The following RALGAPA1 variants were observed in gnomAD, a reference collection of about 807,000 sequenced individuals.
RALGAPA1 encodes the protein Ral GTPase activating protein catalytic subunit alpha 1, also known as ral GTPase-activating protein subunit alpha-1.
In RALGAPA1, 52 loss-of-function variants were observed where a neutral mutation model predicts 269.6. The observed-to-expected ratio is 0.19, with a 90% CI of 0.15 to 0.24. The LOEUF is 0.24. Among genes scored for constraint, RALGAPA1 ranks in the 10% least tolerant of loss-of-function variants. RALGAPA1 has a pLI of 1.00. For missense variants in RALGAPA1, 1,917 were observed against 3,013.9 expected, an observed-to-expected ratio of 0.64 and a Z score of 8.52; for synonymous variants, 817 against 1,008.3, an observed-to-expected ratio of 0.81 and a Z score of 3.60.
chr14:35,638,885 C>A (rs577397968), intron 31 of RALGAPA1, among the ~76,000 whole-genome samples: 4 of 151,474 alleles, frequency 2.6e-5, no homozygotes, highest in Admixed American at 6.6e-5. Flanking sequence ...GAGATTGCGC[C>A]GCTGCACTCC....
chr14:35,801,299 C>T (rs896471140), intron 1 of RALGAPA1, among the ~76,000 whole-genome samples: 4 of 151,314 alleles, frequency 2.6e-5, no homozygotes, highest in African/African-American at 4.9e-5. Context: ...GATAGAGTCT[C>T]GCTCTGTTGC....
intron 12 of RALGAPA1, among the ~76,000 whole-genome samples, chr14:35,733,391 T>C (rs1047086485): frequency 6.6e-6 from 1 of 152,004 alleles, no homozygotes; most frequent in African/African-American, 2.4e-5. Flanking sequence ...GCAGGAGAAT[T>C]GCTTGAACCC....
intron 4 of RALGAPA1, chr14:35,766,460 G>C (rs2074158846): frequency 6.4e-7 from 1 of 1,556,036 alleles, no homozygotes; most frequent in South Asian, 1.1e-5. Flanking sequence ...AGTCTGAGGG[G>C]GCCAAAGCAA....
intron 35 of RALGAPA1, among the ~76,000 whole-genome samples, chr14:35,607,912 C>T (rs2059692138): frequency 6.6e-6 from 1 of 152,112 alleles, no homozygotes; most frequent in East Asian, 1.9e-4. Flanking sequence ...CTAGGCTGCA[C>T]CCAATAAGGA....
At chr14:35,578,926 C>T (rs1487334831) in intron 37 of RALGAPA1, among the ~76,000 whole-genome samples, 1 of 152,108 alleles carries the variant, frequency 6.6e-6, no homozygotes, top group Non-Finnish European at 1.5e-5. Context: ...CCTTGATATT[C>T]TAGTGGGAGG....
chr14:35,746,376 T>C (rs2072100246), intron 10 of RALGAPA1, among the ~76,000 whole-genome samples: 3 of 152,160 alleles, frequency 2.0e-5, no homozygotes, highest in South Asian at 2.1e-4. Context: ...ACTTGAAATT[T>C]GCTAGAAGAT....
intron 39 of RALGAPA1, among the ~76,000 whole-genome samples, chr14:35,569,607 A>G (rs150015104): frequency 6.6e-6 from 1 of 152,148 alleles, no homozygotes; most frequent in African/African-American, 2.4e-5. Flanking sequence ...TTATGCTCTT[A>G]AACATTCCCC....
chr14:35,627,709 T>C lies in RALGAPA1; in HGVS notation c.6238A>G (p.Arg2080Gly), dbSNP rs145578563. ...CCTCCAGGCATATTCTCTTCTGATC[T>C]GATCTGGATACAGGACACTAAGGTT... ...NTTLVSCIQI[R>G]SEENMPGGGL... Residue 2080 changes from arginine to glycine, a missense_variant, in exon 34 of 42, where the codon AGA (arginine) becomes GGA (glycine). Arg to Gly is a moderately radical substitution (Grantham distance 125). Transcript: ENST00000680220. 2 of 1,610,150 alleles carry C rather than the reference T, an allele frequency of 1.2e-6. No homozygotes were observed. Among genetic ancestry groups the C allele is most frequent in the African/African-American group, 1.3e-5 (1 of 74,768 alleles).
chr14:35,585,805 GTCTATA>G (rs1566750988), intron 37 of RALGAPA1, among the ~76,000 whole-genome samples: 1 of 152,136 alleles, frequency 6.6e-6, no homozygotes, highest in African/African-American at 2.4e-5. Flanking sequence ...TGTTCCATTG[GTCTATA>G]TCTCTGTTTT....
At chr14:35,562,422 T>C (rs189737322) in intron 39 of RALGAPA1, among the ~76,000 whole-genome samples, 1 of 152,160 alleles carries the variant, frequency 6.6e-6, no homozygotes, top group East Asian at 1.9e-4. Flanking sequence ...CTTAGCTCAT[T>C]TTTCTCCCTA....
intron 41 of RALGAPA1, among the ~76,000 whole-genome samples, chr14:35,547,936 C>T: frequency 6.6e-6 from 1 of 151,916 alleles, no homozygotes; most frequent in Non-Finnish European, 1.5e-5. Flanking sequence ...ATAAATTAGG[C>T]TAGAAAAGAA....
chr14:35,541,924 G>T (rs1430832200), intron 41 of RALGAPA1: 2 of 697,212 alleles, frequency 2.9e-6, no homozygotes, highest in Admixed American at 4.8e-5. Context: ...GGAGCAGAGA[G>T]AGAGGAATCA....
chr14:35,631,653 G>T (rs554217913), intron 33 of RALGAPA1, among the ~76,000 whole-genome samples: 1 of 152,128 alleles, frequency 6.6e-6, no homozygotes, highest in African/African-American at 2.4e-5. Flanking sequence ...ATAGAAAAGA[G>T]AAGAATCCCT....
chr14:35,735,862 T>G (rs1388075738), intron 12 of RALGAPA1, among the ~76,000 whole-genome samples: 1 of 152,228 alleles, frequency 6.6e-6, no homozygotes, highest in Non-Finnish European at 1.5e-5. Flanking sequence ...TGTTTTGCAG[T>G]TATGCTGTGG....
chr14:35,674,543 G>A lies in RALGAPA1; in HGVS notation c.4791C>T (p.Leu1597=). 6.2e-7 allele frequency: 1 copy of A among 1,608,290 alleles called. No homozygotes were observed. The highest frequency in any genetic ancestry group is 1.7e-4 in the Middle Eastern group (1 of 6,032). Residue 1597 remains leucine (L), a synonymous_variant, in exon 23 of 42, where the codon CTC becomes CTT. Coordinates refer to ENST00000680220, the MANE Select transcript of RALGAPA1 (RefSeq NM_001346249.2). ...PEIHAQVFDY[L]CELWQNLAKI... The stretch of plus-strand genomic sequence containing the variant: ...TAGCTAGATTCTGCCAAAGTTCACA[G>A]AGGTAATCAAAAACTTGAGCATGTA...
intron 1 of RALGAPA1, among the ~76,000 whole-genome samples, chr14:35,790,234 CAG>C (rs1291201106): frequency 6.6e-6 from 1 of 151,778 alleles, no homozygotes; most frequent in East Asian, 1.9e-4. Context: ...GCCTGGACGA[CAG>C]AGTGAGACTC....
intron 25 of RALGAPA1, 67 bp downstream of exon 25, chr14:35,672,800 C>T (rs2064582719): frequency 2.9e-6 from 4 of 1,369,888 alleles, no homozygotes; most frequent in East Asian, 2.8e-5. Context: ...AAGAGTTAAA[C>T]AGAATCAAGA....
At position 35,656,014 on chromosome 14, in the gene RALGAPA1, A is replaced by C. The variant is rs1042131155; in HGVS notation, c.5388-99T>G. On this transcript the variant is annotated intron_variant, in intron 28 of 41. Transcript: ENST00000680220. Reference sequence around the variant, plus strand: ...CACAGAATGAACATGCACTATTTTAAATGAATTAATGAATTTGTTACTCTA... The same window carrying C: ...CACAGAATGAACATGCACTATTTTACATGAATTAATGAATTTGTTACTCTA... 3.0e-4 allele frequency: 472 copies of C among 1,564,228 alleles called. 2 individuals carry two copies. The highest frequency in any genetic ancestry group is 1.7e-4 in the Middle Eastern group (1 of 5,942).
intron 39 of RALGAPA1, among the ~76,000 whole-genome samples, chr14:35,566,124 C>A (rs1230103082): frequency 6.6e-6 from 1 of 152,070 alleles, no homozygotes; most frequent in Non-Finnish European, 1.5e-5. Flanking sequence ...CCAGACCCCT[C>A]CCCTGCCTGA....
Sources: gnomAD v4.1 joint callset for allele counts (sites outside exome capture counted in the v4.1 genomes callset) on GRCh38, gnomAD v4.1.1 for gene constraint, MANE v1.5 for transcripts, NCBI Gene and HGNC (gene_info 2026-07-23, HGNC 2026-07-21) for gene names.